Variants in AFG2A observed in about 807,000 individuals in gnomAD.
AFG2A encodes the protein ATPase family gene 2 protein homolog A.
At chr4:123,107,306 G>T in the AFG2A span, among the ~76,000 whole-genome samples, 1 of 152,320 alleles carries the variant, frequency 6.6e-6, no homozygotes, top group South Asian at 2.1e-4. Context: ...GACCAGTGAG[G>T]TATGTGGACA....
chr4:123,128,369 A>G, the AFG2A span, among the ~76,000 whole-genome samples: 1 of 152,146 alleles, frequency 6.6e-6, no homozygotes, highest in South Asian at 2.1e-4. Context: ...ATAAAAACAG[A>G]TTTAATAATT....
the AFG2A span, among the ~76,000 whole-genome samples, chr4:123,103,436 A>G: frequency 6.6e-6 from 1 of 152,086 alleles, no homozygotes; most frequent in Non-Finnish European, 1.5e-5. Context: ...AGCACTTTAC[A>G]TGTATTTTAC....
chr4:123,286,045 G>A, the AFG2A span, among the ~76,000 whole-genome samples: 1 of 152,070 alleles, frequency 6.6e-6, no homozygotes, highest in African/African-American at 2.4e-5. Flanking sequence ...TCTCATTTCA[G>A]AATTTCAGAC....
the AFG2A span, chr4:123,256,026 G>A: frequency 6.2e-7 from 1 of 1,613,726 alleles, no homozygotes; most frequent in Non-Finnish European, 8.5e-7. Flanking sequence ...GCTTTGATGC[G>A]GCCTGGAAGA....
chr4:123,084,503 A>G, the AFG2A span, among the ~76,000 whole-genome samples: 1 of 151,512 alleles, frequency 6.6e-6, no homozygotes, highest in African/African-American at 2.4e-5. Context: ...GCATATTTAT[A>G]GACAATAGAA....
At chr4:123,099,637 T>G in the AFG2A span, among the ~76,000 whole-genome samples, 1 of 151,860 alleles carries the variant, frequency 6.6e-6, no homozygotes, top group Non-Finnish European at 1.5e-5. Context: ...TAAATAATAG[T>G]AGGGAGGCTG....
chr4:123,023,895 G>T, the AFG2A span, among the ~76,000 whole-genome samples: 1 of 151,922 alleles, frequency 6.6e-6, no homozygotes, highest in Non-Finnish European at 1.5e-5. Context: ...CAGCGATTTG[G>T]CTTCCGTTCT....
the AFG2A span, chr4:122,935,988 T>C: frequency 2.3e-6 from 3 of 1,303,528 alleles, no homozygotes; most frequent in African/African-American, 4.5e-5. Flanking sequence ...GAAAATTCTT[T>C]TTGAAAGTAA....
At chr4:123,123,411 T>C in the AFG2A span, among the ~76,000 whole-genome samples, 1 of 152,192 alleles carries the variant, frequency 6.6e-6, no homozygotes. Flanking sequence ...TTTACCACTT[T>C]AATTATTTTA....
At chr4:123,057,928 T>G in the AFG2A span, among the ~76,000 whole-genome samples, 1 of 152,214 alleles carries the variant, frequency 6.6e-6, no homozygotes, top group African/African-American at 2.4e-5. Flanking sequence ...TGTAAATTCA[T>G]GTACTTTGTG....
chr4:123,304,476 G>A, the AFG2A span, among the ~76,000 whole-genome samples: 59 of 152,282 alleles, frequency 3.9e-4, no homozygotes, highest in Non-Finnish European at 7.5e-4. Flanking sequence ...AAAGCGAGGG[G>A]GCGGGTGAGC....
At chr4:123,179,358 C>T in the AFG2A span, among the ~76,000 whole-genome samples, 2 of 151,816 alleles carry the variant, frequency 1.3e-5, no homozygotes, top group East Asian at 3.9e-4. Context: ...TCTGTAAGTA[C>T]GTGACAGAGT....
At chr4:123,163,913 C>T in the AFG2A span, among the ~76,000 whole-genome samples, 1 of 152,190 alleles carries the variant, frequency 6.6e-6, no homozygotes, top group Non-Finnish European at 1.5e-5. Context: ...TAAAGCCCTA[C>T]ATCTTTCAAG....
At chr4:123,213,713 G>C in the AFG2A span, among the ~76,000 whole-genome samples, 3,727 of 152,242 alleles carry the variant, frequency 0.024, 164 homozygotes, top group African/African-American at 0.083. Flanking sequence ...AGAGGCATTT[G>C]CTCCATTGTT....
chr4:122,982,864 CTTTT>C, the AFG2A span, among the ~76,000 whole-genome samples: 2 of 93,766 alleles, frequency 2.1e-5, no homozygotes, highest in Admixed American at 1.4e-4. Flanking sequence ...TAATCTTCTT[CTTTT>C]TTTTTTTTTT....
chr4:122,941,408 G>A, the AFG2A span, among the ~76,000 whole-genome samples: 2 of 152,128 alleles, frequency 1.3e-5, no homozygotes, highest in African/African-American at 2.4e-5. Context: ...GTGAATGGGA[G>A]TTCACTCATG....
the AFG2A span, among the ~76,000 whole-genome samples, chr4:123,180,203 G>A: frequency 6.6e-6 from 1 of 152,168 alleles, no homozygotes; most frequent in Non-Finnish European, 1.5e-5. Context: ...CTGGGCGACA[G>A]AGTGAGACTC....
At chr4:123,225,677 T>C in the AFG2A span, among the ~76,000 whole-genome samples, 4 of 152,216 alleles carry the variant, frequency 2.6e-5, no homozygotes, top group African/African-American at 9.7e-5. Context: ...TGGCTTAGGA[T>C]TGACTTGGCA....
chr4:123,110,100 T>C, the AFG2A span, among the ~76,000 whole-genome samples: 9 of 152,168 alleles, frequency 5.9e-5, no homozygotes, highest in Non-Finnish European at 1.0e-4. Flanking sequence ...GGTAGTTCAG[T>C]AATATATTTA....
Sources: gnomAD v4.1 joint callset for allele counts (sites outside exome capture counted in the v4.1 genomes callset) on GRCh38, gnomAD v4.1.1 for gene constraint, MANE v1.5 for transcripts, NCBI Gene and HGNC (gene_info 2026-07-23, HGNC 2026-07-21) for gene names.